Variants in LRWD1 observed in about 807,000 individuals in gnomAD.
The protein encoded by LRWD1 is leucine-rich repeat and WD repeat-containing protein 1.
In LRWD1, 76 loss-of-function variants were observed where a neutral mutation model predicts 75.6. That is an observed-to-expected ratio of 1.01 (90% CI 0.84 to 1.22). The LOEUF (loss-of-function observed/expected upper bound fraction) is 1.22. Ranked by LOEUF, LRWD1 falls within the 50% of genes most tolerant of loss-of-function variation. The pLI is 0.00. For missense variants in LRWD1, 917 were observed against 862.0 expected, an observed-to-expected ratio of 1.06 and a Z score of -0.80; for synonymous variants, 487 against 377.0, an observed-to-expected ratio of 1.29 and a Z score of -3.38.
chr7:102,467,550 A>T, intron 4 of LRWD1, 71 bp downstream of exon 4: 2 of 1,588,620 alleles, frequency 1.3e-6, no homozygotes, highest in Non-Finnish European at 1.7e-6. Flanking sequence ...GTCCCTGGCC[A>T]TGAAGGGCTG....
chr7:102,468,744 C>T (rs1288420520), intron 8 of LRWD1, 90 bp downstream of exon 8: 5 of 1,520,876 alleles, frequency 3.3e-6, no homozygotes, highest in Non-Finnish European at 3.5e-6. Context: ...CGGCCCCCTG[C>T]CCCATGGCCT....
At position 102,467,813 on chromosome 7, in the gene LRWD1, A is replaced by C. The variant is rs1490126942; in HGVS notation, c.668A>C (p.His223Pro). ...AAGCCCCCAGAAGCTGGAGCTGCCC[A>C]CAAGCCCAGGGTGAGTGCAGCTCCC... ...PEKPPEAGAA[H>P]KPRARLAALK... Residue 223 changes from histidine (H) to proline (P), a missense_variant, in exon 5 of 15, where the codon CAC (histidine) becomes CCC (proline). Coordinates refer to ENST00000292616, the MANE Select transcript of LRWD1 (RefSeq NM_152892.3). 1 of 1,550,224 alleles carries C rather than the reference A, an allele frequency of 6.5e-7. No individual in the cohort carries two copies. Among genetic ancestry groups the C allele is most frequent in the African/African-American group, 1.4e-5 (1 of 73,018 alleles).
At chr7:102,468,527 T>C (rs1306773653) in intron 7 of LRWD1, 27 bp from the exon 8 acceptor site, 23 of 1,555,224 alleles carry the variant, frequency 1.5e-5, no homozygotes, top group Non-Finnish European at 1.9e-5. Context: ...TCTCTGCTCA[T>C]CCGACCTCTC....
At chr7:102,472,157 G>A (rs1357784629) in intron 11 of LRWD1, 61 bp from the exon 12 acceptor site, 1 of 1,476,226 alleles carries the variant, frequency 6.8e-7, no homozygotes, top group Non-Finnish European at 9.3e-7. Flanking sequence ...AGATGCCTGG[G>A]TGAGTGGGCA....
At chr7:102,466,702 G>A (rs1010941510) in intron 3 of LRWD1, among the ~76,000 whole-genome samples, 1 of 147,862 alleles carries the variant, frequency 6.8e-6, no homozygotes, top group Non-Finnish European at 1.5e-5. Context: ...ACAGGTATGA[G>A]TCACCACACC....
At chr7:102,470,396 C>G (rs1259628559) in intron 11 of LRWD1, 1 of 153,430 alleles carries the variant, frequency 6.5e-6, no homozygotes, top group African/African-American at 2.4e-5. Context: ...AAGACAGATG[C>G]TCAGCAAAGG....
intron 11 of LRWD1, chr7:102,470,184 A>T: frequency 2.7e-6 from 1 of 370,396 alleles, no homozygotes; most frequent in Non-Finnish European, 4.8e-6. Context: ...CAGCAGTGTG[A>T]TGGTCCTCTG....
intron 11 of LRWD1, chr7:102,470,861 T>A (rs4501507): frequency 1.3e-5 from 2 of 152,250 alleles, no homozygotes; most frequent in Non-Finnish European, 2.9e-5. Flanking sequence ...TGCCGCCAGG[T>A]TCCAAGTGAT....
At chr7:102,468,031 C>T in intron 5 of LRWD1, 31 bp from the exon 6 acceptor site, 1 of 1,597,168 alleles carries the variant, frequency 6.3e-7, no homozygotes, top group Non-Finnish European at 8.5e-7. Flanking sequence ...CCCAGGCAGA[C>T]AGGCCCATGG....
Position 102,467,118 on chromosome 7 carries a change from GGTGTGT to G in LRWD1, c.433-206_433-201del, listed in dbSNP as rs60020010. On this transcript the variant is annotated intron_variant, in intron 3 of 14. Transcript: ENST00000292616. Reference sequence around the variant, plus strand: ...GTGTAGGCACCTGGGTTGTTGCTGGGGTGTGTGTGTGTGTGTGTGTAGGCACCTGGG... The same window carrying G: ...GTGTAGGCACCTGGGTTGTTGCTGGGGTGTGTGTGTGTGTAGGCACCTGGG... 4.6e-3 allele frequency among the ~76,000 whole-genome samples: 526 copies of G among 114,500 alleles called. 10 individuals are homozygous for G. Among genetic ancestry groups the G allele is most frequent in the Non-Finnish European group, 7.2e-3 (411 of 57,466 alleles). The allele number at this position is 114,500 out of a possible 152,430, so 75.1% of individuals were successfully genotyped here. A position where few individuals can be genotyped will look rare whatever the true frequency, so the allele number is the denominator to read the frequency against.
At chr7:102,469,686 G>T (rs1452992370) in intron 10 of LRWD1, 40 bp downstream of exon 10, 2 of 1,613,958 alleles carry the variant, frequency 1.2e-6, no homozygotes, top group East Asian at 2.2e-5. Flanking sequence ...CCAGCTGCTG[G>T]GGCAGGGACA....
intron 8 of LRWD1, 43 bp from the exon 9 acceptor site, chr7:102,468,812 A>G: frequency 1.3e-6 from 2 of 1,598,458 alleles, no homozygotes; most frequent in South Asian, 2.2e-5. Context: ...TGTTCACACC[A>G]ATAGCTCTGC....
In LRWD1 at chr7:102,472,213, C is replaced by T; in HGVS notation, c.1443-5C>T. The T allele has an allele frequency of 6.3e-7, 1 of 1,586,290 alleles. No homozygotes were observed. The highest frequency in any genetic ancestry group is 8.6e-7 in the Non-Finnish European group (1 of 1,164,356). ...GGCCAACTAGCATCTCGTGCTGCCC[C>T]ACAGGGTGTGTGAAGTGGAATTCGT... On this transcript the variant is annotated splice_region_variant and splice_polypyrimidine_tract_variant and intron_variant, in intron 11 of 14. Coordinates refer to ENST00000292616, the MANE Select transcript of LRWD1 (RefSeq NM_152892.3).
chr7:102,465,085 G>GC lies in LRWD1; in HGVS notation c.10dup (p.Leu4ProfsTer50), dbSNP rs1174596465. The stretch of plus-strand genomic sequence containing the variant: ...CGCGGGCTGCGCCTCCTCGCCATGG[G>GC]CCCCCTCTCGGCGCGGCTGCTAATG... On this transcript the variant is annotated frameshift_variant, in exon 1 of 15. Transcript: ENST00000292616. LOFTEE classifies it high-confidence loss of function. 6.7e-7 allele frequency: 1 copy of GC among 1,492,056 alleles called. No homozygotes were observed. Among genetic ancestry groups the GC allele is most frequent in the Admixed American group, 2.5e-5 (1 of 40,406 alleles). The allele number at this position is 1,492,056 out of a possible 1,614,324, so 92.4% of individuals were successfully genotyped here. A position where few individuals can be genotyped will look rare whatever the true frequency, so the allele number is the denominator to read the frequency against.
At chr7:102,465,665 C>T (rs1797948508) in intron 1 of LRWD1, 152 bp from the exon 2 acceptor site, 2 of 631,798 alleles carry the variant, frequency 3.2e-6, no homozygotes, top group Non-Finnish European at 5.6e-6. Flanking sequence ...GAGTGACACC[C>T]CGTCTCTAAA....
Position 102,468,857 on chromosome 7 carries a change from G to A in LRWD1, c.1023G>A (p.Glu341=), listed in dbSNP as rs984806972. ...TGTTTACTCTAACCCCCGCCCAGGA[G>A]TTCTTTTCTGTGGCCTGGACCGCTC... The part of the protein sequence containing the change: ...VLHKYKAPGE[E]FFSVAWTALM... Residue 341 remains glutamate (E), a splice_region_variant and synonymous_variant, in exon 9 of 15, where the codon GAG becomes GAA. Coordinates refer to ENST00000292616, the MANE Select transcript of LRWD1 (RefSeq NM_152892.3). The A allele has an allele frequency of 6.2e-7, 1 of 1,610,678 alleles. No homozygotes were observed. Among genetic ancestry groups the A allele is most frequent in the Non-Finnish European group, 8.5e-7 (1 of 1,179,410 alleles).
Position 102,468,139 on chromosome 7 carries a change from G to A in LRWD1, c.756G>A (p.Pro252=), listed in dbSNP as rs779467891. ...LSPSKRACAS[P]SAQVEGSPVA... Reference sequence around the variant, plus strand: ...CCAGCAAGCGGGCGTGTGCCTCCCCGTCGGCCCAGGTGGAGGGCAGCCCTG... The same window carrying A: ...CCAGCAAGCGGGCGTGTGCCTCCCCATCGGCCCAGGTGGAGGGCAGCCCTG... The change falls in exon 6 of 15, where the codon CCG becomes CCA. Residue 252 remains proline (P), a synonymous_variant. Transcript: ENST00000292616. 24 of 1,606,942 alleles carry A rather than the reference G, an allele frequency of 1.5e-5. No individual in the cohort carries two copies. Among genetic ancestry groups the A allele is most frequent in the Middle Eastern group, 3.3e-4 (2 of 6,076 alleles).
chr7:102,467,130 T>C (rs1433192591), intron 3 of LRWD1, among the ~76,000 whole-genome samples: 2 of 142,986 alleles, frequency 1.4e-5, no homozygotes, highest in African/African-American at 5.2e-5. Flanking sequence ...TGTGTGTGTG[T>C]GTGTGTGTAG....
At chr7:102,467,870 C>G (rs1203991031) in intron 5 of LRWD1, 47 bp downstream of exon 5, 1 of 1,538,236 alleles carries the variant, frequency 6.5e-7, no homozygotes, top group Non-Finnish European at 8.8e-7. Flanking sequence ...TCCCTCCTCC[C>G]TGGAGAAGCT....
Sources: allele counts gnomAD v4.1 joint callset (sites outside exome capture counted in the v4.1 genomes callset), GRCh38; gene constraint gnomAD v4.1.1; transcripts MANE v1.5; gene names NCBI Gene and HGNC (gene_info 2026-07-23, HGNC 2026-07-21).